Variants in CSF2RA observed in about 807,000 individuals in gnomAD.
CSF2RA encodes the protein colony stimulating factor 2 receptor subunit alpha, also known as granulocyte-macrophage colony-stimulating factor receptor subunit alpha.
Under a neutral mutation model 51.6 loss-of-function variants are expected in CSF2RA, and 42 were observed. The ratio of observed to expected loss-of-function variants is 0.81; its 90% confidence interval spans 0.64 to 1.05. The LOEUF is 1.05. Among genes scored for constraint, CSF2RA ranks in the 50% least tolerant of loss-of-function variants. The probability of loss-of-function intolerance (pLI) is 0.00; values close to 1 mark genes in which losing one functional copy is unlikely to be tolerated. For missense variants in CSF2RA, 530 were observed against 501.1 expected, an observed-to-expected ratio of 1.06 and a Z score of -0.55; for synonymous variants, 222 against 193.0, an observed-to-expected ratio of 1.15 and a Z score of -1.24.
chrX:1,314,305 G>GCACC (rs1569514753), downstream of CSF2RA, among the ~76,000 whole-genome samples: 4 of 111,916 alleles, frequency 3.6e-5, no homozygotes, highest in East Asian at 2.7e-4. Context: ...CAACCACTCT[G>GCACC]TGCCTGCCCA....
intron 9 of CSF2RA, among the ~76,000 whole-genome samples, chrX:1,299,887 C>T (rs1278971180): frequency 6.6e-6 from 1 of 151,800 alleles, no homozygotes; most frequent in African/African-American, 2.4e-5. Context: ...CATTGCACTC[C>T]AGCCTGGGCG....
At chrX:1,279,259 A>G (rs2089591817) in intron 2 of CSF2RA, among the ~76,000 whole-genome samples, 1 of 151,638 alleles carries the variant, frequency 6.6e-6, no homozygotes, top group African/African-American at 2.4e-5. Context: ...CTGAGGCAGT[A>G]GAATGGCTTC....
At chrX:1,307,792 T>C (rs575831419) in intron 12 of CSF2RA, among the ~76,000 whole-genome samples, 70,859 of 81,930 alleles carry the variant, frequency 0.86, 32,865 homozygotes, top group Non-Finnish European at 0.93. Context: ...CACCTTTCCC[T>C]TTTTAGACCT....
the CSF2RA span, among the ~76,000 whole-genome samples, chrX:1,324,779 AG>A: frequency 6.6e-6 from 1 of 152,086 alleles, no homozygotes; most frequent in African/African-American, 2.4e-5. Context: ...GGACGCACGC[AG>A]GGAAAGCTGT....
chrX:1,285,904 GA>G lies in CSF2RA; in HGVS notation c.204del (p.Val69SerfsTer30). 6.2e-7 allele frequency: 1 copy of G among 1,613,858 alleles called. No individual in the cohort carries two copies. Among genetic ancestry groups the G allele is most frequent in the Non-Finnish European group, 8.5e-7 (1 of 1,179,848 alleles). ...TGTTTCTTAACTGACAAGAAGAACA[GA>G]GTCGTGGAACCCAGGGTGAGACGAA... is the stretch of plus-strand genomic sequence containing the variant. ...SKCFLTDKKNRVVEPRLSNNE... is the reference protein window; with the variant it reads ...SKCFLTDKKNXVVEPRLSNNE... On this transcript the variant is annotated frameshift_variant, in exon 4 of 13. Transcript: ENST00000381529. LOFTEE classifies it high-confidence loss of function.
chrX:1,272,192 G>T (rs1294563728), intron 1 of CSF2RA, among the ~76,000 whole-genome samples: 12 of 151,908 alleles, frequency 7.9e-5, no homozygotes, highest in Admixed American at 3.3e-4. Flanking sequence ...GACCTCAGGT[G>T]ATCCGCCTGC....
At chrX:1,321,615 C>T in the CSF2RA span, among the ~76,000 whole-genome samples, 261 of 151,614 alleles carry the variant, frequency 1.7e-3, 1 homozygote, top group Non-Finnish European at 9.4e-4. Context: ...TTTCAGTACA[C>T]GCTTGGGGGT....
chrX:1,315,580 T>A, the CSF2RA span, among the ~76,000 whole-genome samples: 15 of 152,122 alleles, frequency 9.9e-5, no homozygotes, highest in East Asian at 2.5e-3. Flanking sequence ...ATTTTTTATA[T>A]TTTTTGTAGA....
chrX:1,312,062 T>G (rs2084215679), downstream of CSF2RA, among the ~76,000 whole-genome samples: 2 of 152,120 alleles, frequency 1.3e-5, no homozygotes, highest in South Asian at 4.1e-4. Flanking sequence ...GTTCAGGCAA[T>G]TCTCATGCCT....
chrX:1,322,386 A>G, the CSF2RA span, among the ~76,000 whole-genome samples: 7 of 148,362 alleles, frequency 4.7e-5, no homozygotes, highest in Admixed American at 4.1e-4. Context: ...TGCTGGGATT[A>G]CAGGCATCAG....
chrX:1,314,815 A>AACCCCT (rs2084455032), downstream of CSF2RA, among the ~76,000 whole-genome samples: 1 of 70,242 alleles, frequency 1.4e-5, no homozygotes, highest in African/African-American at 8.3e-5. Context: ...GCCCAACCCC[A>AACCCCT]CTGTGCCTGC....
chrX:1,314,482 A>ACCCAACCCCACTGTGCCTG (rs2084390876), downstream of CSF2RA, among the ~76,000 whole-genome samples: 6 of 70,320 alleles, frequency 8.5e-5, no homozygotes, highest in South Asian at 5.6e-4. Flanking sequence ...CAATGCACCT[A>ACCCAACCCCACTGTGCCTG]CCCAACCCCA....
intron 12 of CSF2RA, among the ~76,000 whole-genome samples, chrX:1,307,563 C>G (rs1328853029): frequency 1.1e-4 from 16 of 152,154 alleles, no homozygotes; most frequent in African/African-American, 3.6e-4. Context: ...TTTGGACCTT[C>G]AACTGATTAG....
chrX:1,271,463 C>A (rs1219460236), intron 1 of CSF2RA, among the ~76,000 whole-genome samples: 1 of 151,688 alleles, frequency 6.6e-6, no homozygotes, highest in African/African-American at 2.4e-5. Flanking sequence ...CATTAGCCTC[C>A]TGAGTAGCTA....
intron 1 of CSF2RA, among the ~76,000 whole-genome samples, chrX:1,273,338 G>T (rs1320552029): frequency 6.6e-6 from 1 of 151,642 alleles, no homozygotes; most frequent in Admixed American, 6.6e-5. Context: ...TTTTAAGATG[G>T]TCTCATTCTG....
At chrX:1,314,534 C>A (rs776885113), downstream of CSF2RA, among the ~76,000 whole-genome samples, 4 of 106,734 alleles carry the variant, frequency 3.7e-5, 1 homozygote, top group African/African-American at 1.7e-4. Context: ...AATCCCACTG[C>A]ACCTGCCCAA....
rs1265241111 is a variant in CSF2RA, at chrX:1,305,507, A to T, written c.1105A>T (p.Asn369Tyr). The T allele has an allele frequency of 1.2e-6, 2 of 1,613,844 alleles. No homozygotes were observed. Among genetic ancestry groups the T allele is most frequent in the African/African-American group, 2.7e-5 (2 of 74,910 alleles). ...ACAGATCAAAGACAAACTGAATGAT[A>T]ACCATGAGGTGGAAGACGAGGTAGG... ...VPQIKDKLND[N>Y]HEVEDEIIWE... The change falls in exon 12 of 13, where the codon AAC (asparagine) becomes TAC (tyrosine). Residue 369 changes from asparagine (N) to tyrosine (Y), a missense_variant. By Grantham distance (143) the Asn-to-Tyr change is moderately radical. Transcript: ENST00000381529.
intron 7 of CSF2RA, among the ~76,000 whole-genome samples, chrX:1,292,932 A>G (rs755681527): frequency 1.3e-5 from 2 of 152,254 alleles, no homozygotes; most frequent in Admixed American, 1.3e-4. Flanking sequence ...ACCCTCAGAC[A>G]ATACCCGGGC....
chrX:1,283,584 C>G (rs1377534655), intron 3 of CSF2RA, among the ~76,000 whole-genome samples: 4 of 125,086 alleles, frequency 3.2e-5, no homozygotes, highest in Non-Finnish European at 6.8e-5. Flanking sequence ...CTTTTTCTTT[C>G]TTTTCAGAGT....
Sources: gnomAD v4.1 joint callset for allele counts (sites outside exome capture counted in the v4.1 genomes callset) on GRCh38, gnomAD v4.1.1 for gene constraint, MANE v1.5 for transcripts, NCBI Gene and HGNC (gene_info 2026-07-23, HGNC 2026-07-21) for gene names.